Variants in GRAMD1C observed in about 807,000 individuals in gnomAD.
GRAMD1C encodes the protein GRAM domain containing 1C, also known as protein Aster-C.
Under a neutral mutation model 97.8 loss-of-function variants are expected in GRAMD1C, and 89 were observed. The ratio of observed to expected loss-of-function variants is 0.91; its 90% CI spans 0.77 to 1.09. The LOEUF (loss-of-function observed/expected upper bound fraction) is 1.09. Ranked by LOEUF, GRAMD1C falls within the 50% of genes least tolerant of loss-of-function variation. The pLI is 0.00. For synonymous variants in GRAMD1C, 256 were observed against 267.0 expected, an observed-to-expected ratio of 0.96 and a Z score of 0.40; for missense variants, 740 against 766.4, an observed-to-expected ratio of 0.97 and a Z score of 0.41.
intron 2 of GRAMD1C, chr3:113,850,403 C>T: frequency 1.0e-6 from 1 of 958,022 alleles, no homozygotes. Flanking sequence ...AGGTCGCTCA[C>T]CCTCCAGACC....
chr3:113,841,056 A>G (rs1314645694), intron 1 of GRAMD1C, among the ~76,000 whole-genome samples: 8 of 152,184 alleles, frequency 5.3e-5, no homozygotes, highest in African/African-American at 1.9e-4. Flanking sequence ...AACAGAACAT[A>G]TTAGCCAAAT....
intron 9 of GRAMD1C, among the ~76,000 whole-genome samples, chr3:113,912,215 C>T (rs187591838): frequency 7.9e-5 from 12 of 152,064 alleles, no homozygotes; most frequent in Admixed American, 6.5e-4. Flanking sequence ...ACCTTTAACT[C>T]GGAAGGGTTG....
intron 6 of GRAMD1C, among the ~76,000 whole-genome samples, chr3:113,893,613 T>G (rs553109956): frequency 1.3e-5 from 2 of 152,360 alleles, no homozygotes; most frequent in South Asian, 4.1e-4. Flanking sequence ...TCTTGTTCAC[T>G]GTTGTATGTC....
chr3:113,828,525 G>C (rs943311683), intron 1 of GRAMD1C, among the ~76,000 whole-genome samples: 3 of 152,168 alleles, frequency 2.0e-5, no homozygotes, highest in African/African-American at 7.2e-5. Flanking sequence ...AAGAAAAAGT[G>C]ATTGTCTTCT....
intron 2 of GRAMD1C, among the ~76,000 whole-genome samples, chr3:113,845,229 ACTT>A (rs1173927028): frequency 6.6e-6 from 1 of 152,184 alleles, no homozygotes; most frequent in Non-Finnish European, 1.5e-5. Context: ...GAAGAAAAAC[ACTT>A]CTGTATGTTA....
chr3:113,847,169 C>G (rs1003102611), intron 2 of GRAMD1C, among the ~76,000 whole-genome samples: 1 of 151,800 alleles, frequency 6.6e-6, no homozygotes, highest in African/African-American at 2.4e-5. Flanking sequence ...AGCAGAAACT[C>G]AAAAAAAGTG....
intron 2 of GRAMD1C, among the ~76,000 whole-genome samples, chr3:113,866,678 AG>A (rs1420410062): frequency 2.6e-5 from 4 of 152,024 alleles, no homozygotes; most frequent in Non-Finnish European, 5.9e-5. Flanking sequence ...AAATTTTTTG[AG>A]GGTTGTTTTT....
At chr3:113,833,462 C>T (rs1301848825) in intron 1 of GRAMD1C, among the ~76,000 whole-genome samples, 3 of 151,918 alleles carry the variant, frequency 2.0e-5, no homozygotes, top group African/African-American at 7.3e-5. Flanking sequence ...AATACTCTAC[C>T]TGCCCCCTCT....
At chr3:113,924,762 G>A (rs1559818398) in intron 10 of GRAMD1C, among the ~76,000 whole-genome samples, 1 of 152,162 alleles carries the variant, frequency 6.6e-6, no homozygotes, top group African/African-American at 2.4e-5. Flanking sequence ...GGGGTGGAGA[G>A]CTCTGTAGAT....
rs1937890896 is a variant in GRAMD1C, at chr3:113,943,232, C to T, written c.1909-2166C>T. Among the ~76,000 whole-genome samples, 4 of 152,162 alleles carry T rather than the reference C, an allele frequency of 2.6e-5. No homozygotes were observed. The South Asian group carries it at 8.3e-4, about 31-fold the overall frequency. On this transcript the variant is annotated intron_variant, in intron 17 of 17. Coordinates refer to ENST00000358160, the MANE Select transcript of GRAMD1C (RefSeq NM_017577.5). ...AAAGAATGTACCTTTTTTCAGTCTTCATCCTACAGTGTCAGCATTTGACAG... is the reference window on the plus strand; with the variant it reads ...AAAGAATGTACCTTTTTTCAGTCTTTATCCTACAGTGTCAGCATTTGACAG...
intron 9 of GRAMD1C, among the ~76,000 whole-genome samples, chr3:113,914,545 C>T (rs1936730825): frequency 6.6e-6 from 1 of 152,158 alleles, no homozygotes. Context: ...GGAGCTTTTG[C>T]AGCAATTTTT....
chr3:113,842,070 G>T (rs1026863521), intron 1 of GRAMD1C, among the ~76,000 whole-genome samples: 1 of 152,188 alleles, frequency 6.6e-6, no homozygotes, highest in Admixed American at 6.5e-5. Context: ...ATTACTAATT[G>T]TGTCAGAGTG....
intron 12 of GRAMD1C, 100 bp downstream of exon 12, chr3:113,933,753 T>A: frequency 1.2e-6 from 1 of 825,426 alleles, no homozygotes; most frequent in Non-Finnish European, 1.9e-6. Flanking sequence ...ACAGTTTTAT[T>A]TCTTGCTTAA....
intron 17 of GRAMD1C, 50 bp downstream of exon 17, chr3:113,940,395 A>G: frequency 9.9e-7 from 1 of 1,007,978 alleles, no homozygotes; most frequent in South Asian, 1.3e-5. Context: ...CCCAGTATGA[A>G]TTAGTTGCTC....
chr3:113,897,478 GAGGTATAA>G, intron 6 of GRAMD1C: 1 of 967,306 alleles, frequency 1.0e-6, no homozygotes, highest in Non-Finnish European at 1.2e-6. Context: ...CCTGTAGAGT[GAGGTATAA>G]CTTCCAATTC....
At chr3:113,895,926 G>A (rs1347796503) in intron 6 of GRAMD1C, among the ~76,000 whole-genome samples, 1 of 152,198 alleles carries the variant, frequency 6.6e-6, no homozygotes, top group Non-Finnish European at 1.5e-5. Flanking sequence ...CTTTGAGGTT[G>A]ATGTCAAATA....
chr3:113,923,089 G>A (rs1461193899), intron 10 of GRAMD1C, among the ~76,000 whole-genome samples: 3 of 151,860 alleles, frequency 2.0e-5, no homozygotes, highest in Non-Finnish European at 4.4e-5. Context: ...GTGTTGTTGG[G>A]TATAGAAATG....
chr3:113,883,948 C>A (rs72954609), intron 6 of GRAMD1C, among the ~76,000 whole-genome samples: 3,224 of 152,142 alleles, frequency 0.021, 137 homozygotes, highest in African/African-American at 0.074. Flanking sequence ...GAGTTCAGGG[C>A]CAGCCTGGGA....
At chr3:113,898,781 TA>T (rs966690178) in intron 6 of GRAMD1C, among the ~76,000 whole-genome samples, 2 of 152,206 alleles carry the variant, frequency 1.3e-5, no homozygotes, top group Non-Finnish European at 2.9e-5. Flanking sequence ...TTAACTTGAA[TA>T]GCTTTATTTT....
Sources: allele counts gnomAD v4.1 joint callset (sites outside exome capture counted in the v4.1 genomes callset), GRCh38; gene constraint gnomAD v4.1.1; transcripts MANE v1.5; gene names NCBI Gene and HGNC (gene_info 2026-07-23, HGNC 2026-07-21).